The following BZW2 variants were observed in gnomAD, a reference collection of about 807,000 sequenced individuals.
The protein encoded by BZW2 is eIF5-mimic protein 1.
In BZW2, 23 loss-of-function variants were observed where a neutral mutation model predicts 53.2. That is an observed-to-expected ratio of 0.43 (90% confidence interval 0.31 to 0.61). The LOEUF (loss-of-function observed/expected upper bound fraction) is 0.61, where lower values mean the gene tolerates loss of function less well. Among genes scored for constraint, BZW2 ranks in the 20% least tolerant of loss-of-function variants. BZW2 has a pLI of 0.09. For missense variants in BZW2, 409 were observed against 503.1 expected, an observed-to-expected ratio of 0.81 and a Z score of 1.79; for synonymous variants, 227 against 186.4, an observed-to-expected ratio of 1.22 and a Z score of -1.77.
chr7:16,684,027 A>G (rs899214092), intron 5 of BZW2, among the ~76,000 whole-genome samples: 1 of 152,240 alleles, frequency 6.6e-6, no homozygotes, highest in Non-Finnish European at 1.5e-5. Context: ...ATAAAGCTAT[A>G]TGTATGAAGA....
chr7:16,698,111 A>G lies in BZW2; in HGVS notation c.1033A>G (p.Lys345Glu). The G allele has an allele frequency of 6.2e-7, 1 of 1,614,078 alleles. No homozygotes were observed. The highest frequency in any genetic ancestry group is 8.5e-7 in the Non-Finnish European group (1 of 1,179,968). ...CCAGTCAGAGCTGATCCTCCTCCAG[A>G]AGGTTCAGGAATACTGCTACGACAA... The part of the protein sequence containing the change: ...QGQSELILLQ[K>E]VQEYCYDNIH... Residue 345 changes from lysine (K) to glutamate (E), a missense_variant, in exon 10 of 12, where the codon AAG becomes GAG. Physicochemically the swap from Lys to Glu is moderately conservative, Grantham distance 56. Transcript: ENST00000258761.
At chr7:16,663,224 G>A (rs1176107244) in intron 1 of BZW2, among the ~76,000 whole-genome samples, 1 of 152,130 alleles carries the variant, frequency 6.6e-6, no homozygotes, top group Non-Finnish European at 1.5e-5. Context: ...ATACACATAA[G>A]CAATCAATTA....
intron 2 of BZW2, among the ~76,000 whole-genome samples, chr7:16,667,460 C>T (rs1782465946): frequency 6.6e-6 from 1 of 152,172 alleles, no homozygotes; most frequent in Non-Finnish European, 1.5e-5. Flanking sequence ...AATGATCTTG[C>T]AGGACTAAAT....
chr7:16,654,728 A>G (rs1782078067), intron 1 of BZW2, among the ~76,000 whole-genome samples: 1 of 149,586 alleles, frequency 6.7e-6, no homozygotes, highest in African/African-American at 2.5e-5. Context: ...TAGTGGATAC[A>G]CGGTTTCACC....
At chr7:16,662,999 A>G (rs1475945576) in intron 1 of BZW2, among the ~76,000 whole-genome samples, 2 of 152,222 alleles carry the variant, frequency 1.3e-5, no homozygotes, top group African/African-American at 4.8e-5. Context: ...AGACAATAAT[A>G]TGTATATCAT....
intron 1 of BZW2, among the ~76,000 whole-genome samples, chr7:16,664,774 G>A (rs1362999041): frequency 1.3e-5 from 2 of 152,126 alleles, no homozygotes; most frequent in African/African-American, 4.8e-5. Context: ...AAGTATATTT[G>A]CATTCTTGTG....
chr7:16,704,646 A>T lies in BZW2; in HGVS notation c.1208A>T (p.Glu403Val), dbSNP rs1431611010. ...CTTGACCAGATGAAGAAATTTGTTG[A>T]GTGGTTACAAAATGCAGAAGAAGGT... ...VFLDQMKKFV[E>V]WLQNAEEESE... Residue 403 changes from glutamate (E) to valine (V), a missense_variant, in exon 11 of 12, where the codon GAG becomes GTG. Glu to Val is a moderately radical substitution (Grantham distance 121, BLOSUM62 -2). Transcript: ENST00000258761. 6.3e-7 allele frequency: 1 copy of T among 1,588,120 alleles called. No individual in the cohort carries two copies. The highest frequency in any genetic ancestry group is 8.6e-7 in the Non-Finnish European group (1 of 1,160,600).
intron 7 of BZW2, among the ~76,000 whole-genome samples, chr7:16,693,674 A>G (rs1222965759): frequency 6.6e-6 from 1 of 152,242 alleles, no homozygotes; most frequent in East Asian, 1.9e-4. Flanking sequence ...CAATAAAAAT[A>G]CATTAGTTCC....
chr7:16,696,285 T>A (rs539925547), intron 8 of BZW2, among the ~76,000 whole-genome samples: 1 of 152,260 alleles, frequency 6.6e-6, no homozygotes, highest in Non-Finnish European at 1.5e-5. Context: ...CAAGCCTATA[T>A]TCCATACTCT....
chr7:16,686,515 T>C (rs1435563754), intron 6 of BZW2: 1 of 162,208 alleles, frequency 6.2e-6, no homozygotes, highest in African/African-American at 2.4e-5. Context: ...TTAAGTCTGC[T>C]GCATTAGAAG....
At chr7:16,648,975 A>T (rs1781927697) in intron 1 of BZW2, among the ~76,000 whole-genome samples, 1 of 152,166 alleles carries the variant, frequency 6.6e-6, no homozygotes, top group Non-Finnish European at 1.5e-5. Flanking sequence ...GGCAAGGGTT[A>T]TAAGTAAAAT....
chr7:16,704,731 T>C (rs1783779678), intron 11 of BZW2, 62 bp downstream of exon 11: 1 of 1,393,344 alleles, frequency 7.2e-7, no homozygotes, highest in African/African-American at 1.4e-5. Flanking sequence ...TGTCAAAATA[T>C]TTACCTCTTC....
At chr7:16,652,200 C>A (rs1351500524) in intron 1 of BZW2, among the ~76,000 whole-genome samples, 1 of 152,140 alleles carries the variant, frequency 6.6e-6, no homozygotes, top group Non-Finnish European at 1.5e-5. Context: ...GGGCTTACAT[C>A]CATGGTTTTC....
chr7:16,654,515 C>CG lies in BZW2; in HGVS notation c.-8+8227_-8+8228insG, dbSNP rs1461535201. ...TAATTTTTTTCTGTATATAACCCCC[C>CG]CCCCCCAAAAAAAAACGGATGATAT... On this transcript the variant is annotated intron_variant, in intron 1 of 11. Transcript: ENST00000258761. Among the ~76,000 whole-genome samples, 6 of 140,218 alleles carry CG rather than the reference C, an allele frequency of 4.3e-5. 1 individual carries two copies. The highest frequency in any genetic ancestry group is 6.2e-5 in the Non-Finnish European group (4 of 64,584). 92.0% of individuals were successfully genotyped at this position (140,218 alleles called of 152,430 possible).
intron 1 of BZW2, among the ~76,000 whole-genome samples, chr7:16,647,790 C>CA (rs1781904442): frequency 6.6e-6 from 1 of 152,206 alleles, no homozygotes; most frequent in Non-Finnish European, 1.5e-5. Context: ...GTGGTAACCT[C>CA]CTGGAACATG....
chr7:16,695,705 C>T (rs963781), intron 8 of BZW2, among the ~76,000 whole-genome samples: 10 of 151,874 alleles, frequency 6.6e-5, no homozygotes, highest in East Asian at 1.9e-4. Context: ...TAATATAAAG[C>T]GTCCTTTCTT....
At chr7:16,655,801 G>A (rs1782106890) in intron 1 of BZW2, among the ~76,000 whole-genome samples, 3 of 151,950 alleles carry the variant, frequency 2.0e-5, no homozygotes, top group South Asian at 2.1e-4. Context: ...ATTACAGATC[G>A]GAGCCACCAT....
chr7:16,674,947 A>C (rs944504522), intron 3 of BZW2, among the ~76,000 whole-genome samples: 1 of 152,212 alleles, frequency 6.6e-6, no homozygotes, highest in Non-Finnish European at 1.5e-5. Flanking sequence ...ATAAATTTCC[A>C]AGGTTTAATT....
chr7:16,657,051 G>A (rs1181610935), intron 1 of BZW2, among the ~76,000 whole-genome samples: 2 of 152,134 alleles, frequency 1.3e-5, no homozygotes, highest in African/African-American at 4.8e-5. Context: ...TCTCTCAGTA[G>A]GGAATGATAG....
Sources: gnomAD v4.1 joint callset for allele counts (sites outside exome capture counted in the v4.1 genomes callset) on GRCh38, gnomAD v4.1.1 for gene constraint, MANE v1.5 for transcripts, NCBI Gene and HGNC (gene_info 2026-07-23, HGNC 2026-07-21) for gene names.